Variants in FGD4 observed in about 807,000 individuals in gnomAD.
The protein encoded by FGD4 is FYVE, RhoGEF and PH domain-containing protein 4.
In FGD4, 42 loss-of-function variants were observed where a neutral mutation model predicts 102.0. That is an observed-to-expected ratio of 0.41 (90% confidence interval 0.32 to 0.53). FGD4 has a LOEUF of 0.53. Among genes scored for constraint, FGD4 ranks in the 20% least tolerant of loss-of-function variants. The probability of loss-of-function intolerance (pLI) is 0.21; values close to 1 mark genes in which losing one functional copy is unlikely to be tolerated. For synonymous variants in FGD4, 380 were observed against 375.7 expected, an observed-to-expected ratio of 1.01 and a Z score of -0.13; for missense variants, 902 against 1,078.2, an observed-to-expected ratio of 0.84 and a Z score of 2.29.
intron 4 of FGD4, 48 bp from the exon 5 acceptor site, chr12:32,598,449 T>C: frequency 8.5e-6 from 11 of 1,287,554 alleles, no homozygotes; most frequent in Non-Finnish European, 1.2e-5. Flanking sequence ...TTTAGAAATA[T>C]TGTCCAAGGT....
At position 32,596,257 on chromosome 12, in the gene FGD4, A is replaced by G. The variant is rs114451207; in HGVS notation, c.1012-2240A>G. On this transcript the variant is annotated intron_variant, in intron 4 of 16. Coordinates refer to ENST00000534526, the MANE Select transcript of FGD4 (RefSeq NM_001370298.3). ...GCTTTGAATAGTTGAAGAAGGCCCC[A>G]TGGACAAGAATTGGAAATGCAGCAG... Among the ~76,000 whole-genome samples, 1,465 of 152,366 alleles carry G rather than the reference A, an allele frequency of 9.6e-3. 23 individuals are homozygous for G. The highest frequency in any genetic ancestry group is 0.032 in the African/African-American group (1,329 of 41,580).
intron 2 of FGD4, 139 bp downstream of exon 2, chr12:32,564,428 A>C: frequency 9.5e-7 from 1 of 1,053,622 alleles, no homozygotes; most frequent in Non-Finnish European, 1.3e-6. Flanking sequence ...AGAAGAGTCC[A>C]TCTGTGCATC....
chr12:32,473,979 T>A (rs983261186), intron 1 of FGD4, among the ~76,000 whole-genome samples: 1 of 151,700 alleles, frequency 6.6e-6, no homozygotes, highest in African/African-American at 2.4e-5. Flanking sequence ...TCCCAGCTAC[T>A]CGGGAGGCTG....
chr12:32,407,189 G>A (rs1163140194), intron 1 of FGD4, among the ~76,000 whole-genome samples: 3 of 136,390 alleles, frequency 2.2e-5, no homozygotes, highest in African/African-American at 8.5e-5. Flanking sequence ...GCAATGGCAC[G>A]ATCTCGGCTC....
intron 1 of FGD4, among the ~76,000 whole-genome samples, chr12:32,524,395 CAAAAAAAAAA>C (rs959203100): frequency 1.4e-5 from 1 of 69,336 alleles, no homozygotes; most frequent in African/African-American, 5.8e-5. Context: ...GACTCTGTCT[CAAAAAAAAAA>C]AAAAAAAAAA....
intron 1 of FGD4, among the ~76,000 whole-genome samples, chr12:32,426,129 CTTGTG>C (rs1363925196): frequency 6.6e-6 from 1 of 152,128 alleles, no homozygotes; most frequent in Non-Finnish European, 1.5e-5. Context: ...AGAGGGCATC[CTTGTG>C]TTGTGCCAGT....
intron 2 of FGD4, among the ~76,000 whole-genome samples, chr12:32,564,866 T>C (rs1041893477): frequency 1.3e-5 from 2 of 152,234 alleles, no homozygotes; most frequent in African/African-American, 4.8e-5. Flanking sequence ...CATTTCCTTT[T>C]ACAAAGAAAT....
intron 1 of FGD4, among the ~76,000 whole-genome samples, chr12:32,414,024 T>G (rs1417232858): frequency 1.4e-5 from 2 of 146,182 alleles, no homozygotes; most frequent in African/African-American, 5.1e-5. Context: ...CAGGCTGGAG[T>G]GCAATGGCAT....
intron 4 of FGD4, among the ~76,000 whole-genome samples, chr12:32,588,612 T>TG (rs11460962): frequency 0.48 from 73,048 of 151,960 alleles, 19,268 homozygotes; most frequent in African/African-American, 0.71. Flanking sequence ...TTGGAGAAGG[T>TG]GCTGTTGTGG....
At chr12:32,638,833 T>G in intron 16 of FGD4, 38 bp downstream of exon 16, 1 of 1,613,436 alleles carries the variant, frequency 6.2e-7, no homozygotes, top group Non-Finnish European at 8.5e-7. Flanking sequence ...ACAGATGCCC[T>G]TGGGGGCAAG....
At chr12:32,542,320 A>T (rs1362098561) in intron 1 of FGD4, among the ~76,000 whole-genome samples, 1 of 152,242 alleles carries the variant, frequency 6.6e-6, no homozygotes, top group Non-Finnish European at 1.5e-5. Context: ...GTTTAGAAAA[A>T]TAAACCAGCA....
intron 1 of FGD4, among the ~76,000 whole-genome samples, chr12:32,491,650 C>T (rs1302846137): frequency 2.6e-5 from 4 of 152,102 alleles, no homozygotes; most frequent in East Asian, 3.8e-4. Context: ...ATAAGAATGC[C>T]TCAGGGTTTC....
At chr12:32,631,632 G>A (rs1289930573) in intron 14 of FGD4, among the ~76,000 whole-genome samples, 1 of 150,704 alleles carries the variant, frequency 6.6e-6, no homozygotes, top group East Asian at 2.0e-4. Context: ...AGCCTTCCAA[G>A]TAGCTGGGAC....
intron 1 of FGD4, among the ~76,000 whole-genome samples, chr12:32,414,073 G>A (rs1472142700): frequency 6.6e-6 from 1 of 150,468 alleles, no homozygotes; most frequent in Non-Finnish European, 1.5e-5. Flanking sequence ...CTGGGTTCAA[G>A]GGATTCTCCT....
intron 1 of FGD4, among the ~76,000 whole-genome samples, chr12:32,439,155 C>G (rs1353485738): frequency 6.6e-6 from 1 of 152,218 alleles, no homozygotes; most frequent in African/African-American, 2.4e-5. Context: ...CTGGTAACTA[C>G]TATTCTACTC....
At chr12:32,562,987 C>T (rs558759462) in intron 1 of FGD4, among the ~76,000 whole-genome samples, 6,761 of 151,436 alleles carry the variant, frequency 0.045, 182 homozygotes, top group Non-Finnish European at 0.049. Context: ...CCAGTAGGGG[C>T]GGCCGGGCAG....
intron 4 of FGD4, among the ~76,000 whole-genome samples, chr12:32,583,415 T>C (rs538176560): frequency 1.3e-5 from 2 of 152,320 alleles, no homozygotes; most frequent in African/African-American, 4.8e-5. Flanking sequence ...TTATGATTTT[T>C]TTTCAAGGTC....
intron 1 of FGD4, among the ~76,000 whole-genome samples, chr12:32,478,570 G>A (rs1475622961): frequency 6.6e-6 from 1 of 152,126 alleles, no homozygotes; most frequent in Non-Finnish European, 1.5e-5. Flanking sequence ...CTGGCTTCTT[G>A]TTAAGTATTG....
At chr12:32,590,757 T>A (rs1176741734) in intron 4 of FGD4, among the ~76,000 whole-genome samples, 1 of 152,194 alleles carries the variant, frequency 6.6e-6, no homozygotes, top group East Asian at 1.9e-4. Context: ...GTGCAGTACA[T>A]AGAATAGTGC....
Sources: allele counts gnomAD v4.1 joint callset (sites outside exome capture counted in the v4.1 genomes callset), GRCh38; gene constraint gnomAD v4.1.1; transcripts MANE v1.5; gene names NCBI Gene and HGNC (gene_info 2026-07-23, HGNC 2026-07-21).